ARHGAP28: variants seen among roughly 807,000 people sequenced by gnomAD.
The protein encoded by ARHGAP28 is rho GTPase-activating protein 28.
ARHGAP28 carries 56 observed loss-of-function variants against 90.7 expected under a neutral mutation model. That is an observed-to-expected ratio of 0.62 (90% CI 0.50 to 0.77). The LOEUF (loss-of-function observed/expected upper bound fraction) is 0.77, where lower values mean the gene tolerates loss of function less well. Ranked by LOEUF, ARHGAP28 falls within the 30% of genes least tolerant of loss-of-function variation. The pLI is 0.00. For missense variants in ARHGAP28, 869 were observed against 900.9 expected, an observed-to-expected ratio of 0.96 and a Z score of 0.45; for synonymous variants, 308 against 323.3, an observed-to-expected ratio of 0.95 and a Z score of 0.51.
chr18:6,905,210 C>T (rs2057358835), intron 16 of ARHGAP28, among the ~76,000 whole-genome samples: 1 of 151,810 alleles, frequency 6.6e-6, no homozygotes, highest in African/African-American at 2.4e-5. Context: ...TTAAAAGAAT[C>T]GTACACCATA....
At chr18:6,827,515 G>A (rs1344686276) in intron 2 of ARHGAP28, among the ~76,000 whole-genome samples, 19 of 130,464 alleles carry the variant, frequency 1.5e-4, no homozygotes, top group African/African-American at 4.7e-4. Context: ...CTCACCTCCC[G>A]GACGGGGCGG....
At chr18:6,820,065 G>A (rs1348905029) in intron 1 of ARHGAP28, among the ~76,000 whole-genome samples, 2 of 152,146 alleles carry the variant, frequency 1.3e-5, no homozygotes, top group South Asian at 2.1e-4. Flanking sequence ...TAAGCAACTG[G>A]TCGTTTTTAT....
chr18:6,829,613 A>G (rs1053084588), intron 2 of ARHGAP28, among the ~76,000 whole-genome samples: 1 of 152,202 alleles, frequency 6.6e-6, no homozygotes, highest in African/African-American at 2.4e-5. Flanking sequence ...GATAGATAAC[A>G]TTTCAGTCAA....
chr18:6,791,689 C>G (rs557769730), intron 1 of ARHGAP28: 2 of 152,240 alleles, frequency 1.3e-5, no homozygotes, highest in South Asian at 4.1e-4. Context: ...TTGAACAAAA[C>G]AAAGTATAGT....
intron 1 of ARHGAP28, among the ~76,000 whole-genome samples, chr18:6,781,736 C>T (rs898633970): frequency 8.5e-5 from 13 of 152,180 alleles, no homozygotes; most frequent in Admixed American, 1.3e-4. Flanking sequence ...AACACATGGC[C>T]TCTAATTGCT....
chr18:6,740,123 G>A (rs1464068786), intron 1 of ARHGAP28, among the ~76,000 whole-genome samples: 1 of 152,084 alleles, frequency 6.6e-6, no homozygotes, highest in African/African-American at 2.4e-5. Context: ...CAAAGTGCTG[G>A]GATTACAGGC....
At chr18:6,817,830 T>C (rs1448913361) in intron 1 of ARHGAP28, among the ~76,000 whole-genome samples, 2 of 152,216 alleles carry the variant, frequency 1.3e-5, no homozygotes, top group East Asian at 3.8e-4. Context: ...TTATGTGACT[T>C]TGGCCAGAAT....
intron 7 of ARHGAP28, among the ~76,000 whole-genome samples, chr18:6,873,142 C>A (rs183678235): frequency 4.6e-5 from 7 of 152,248 alleles, no homozygotes; most frequent in African/African-American, 1.7e-4. Flanking sequence ...ATTGGGTGTT[C>A]CTTATAAAGA....
intron 1 of ARHGAP28, among the ~76,000 whole-genome samples, chr18:6,803,664 G>A (rs1326151188): frequency 6.6e-6 from 1 of 151,974 alleles, no homozygotes; most frequent in Non-Finnish European, 1.5e-5. Context: ...TTTTTAAGAA[G>A]AAAAATAATA....
intron 7 of ARHGAP28, among the ~76,000 whole-genome samples, chr18:6,872,105 C>G (rs2057094519): frequency 6.6e-6 from 1 of 152,188 alleles, no homozygotes; most frequent in African/African-American, 2.4e-5. Context: ...CTGCAGGACT[C>G]TGGTTTCAGG....
At chr18:6,910,212 G>T (rs191148873) in intron 17 of ARHGAP28, among the ~76,000 whole-genome samples, 11 of 152,158 alleles carry the variant, frequency 7.2e-5, no homozygotes, top group Non-Finnish European at 1.5e-4. Flanking sequence ...CTTCAAGGAT[G>T]CCCTAAGCTT....
At chr18:6,777,152 A>G (rs572027284) in intron 1 of ARHGAP28, among the ~76,000 whole-genome samples, 1 of 152,326 alleles carries the variant, frequency 6.6e-6, no homozygotes, top group East Asian at 1.9e-4. Context: ...AATAACCTAG[A>G]TATATTATAA....
At chr18:6,831,471 G>GTTTTTTTTTTT (rs57331018) in intron 2 of ARHGAP28, among the ~76,000 whole-genome samples, 81 of 109,298 alleles carry the variant, frequency 7.4e-4, no homozygotes, top group East Asian at 2.4e-3. Flanking sequence ...GTATCTTGAT[G>GTTTTTTTTTTT]TTTTTTTTTT....
At chr18:6,794,372 G>C (rs2056426893) in intron 1 of ARHGAP28, among the ~76,000 whole-genome samples, 1 of 152,194 alleles carries the variant, frequency 6.6e-6, no homozygotes, top group Non-Finnish European at 1.5e-5. Flanking sequence ...TGGGCTCATG[G>C]ATCTTGAGCA....
At chr18:6,850,838 A>G (rs2056904326) in intron 3 of ARHGAP28, 196 bp from the exon 4 acceptor site, 6 of 1,523,274 alleles carry the variant, frequency 3.9e-6, no homozygotes, top group Non-Finnish European at 5.2e-6. Context: ...GTTACAGTAC[A>G]TGGCATTTAT....
chr18:6,854,987 C>T (rs1435698342), intron 4 of ARHGAP28, among the ~76,000 whole-genome samples: 1 of 152,210 alleles, frequency 6.6e-6, no homozygotes, highest in African/African-American at 2.4e-5. Flanking sequence ...CCCCTGCCCC[C>T]TTGGCCCCCC....
chr18:6,870,807 T>G, intron 7 of ARHGAP28, 75 bp downstream of exon 7: 4 of 1,338,998 alleles, frequency 3.0e-6, no homozygotes, highest in Middle Eastern at 2.8e-4. Flanking sequence ...TTCTTTTTCT[T>G]TTTTTTTTTT....
intron 3 of ARHGAP28, chr18:6,850,749 A>G: frequency 6.9e-7 from 1 of 1,445,326 alleles, no homozygotes; most frequent in Non-Finnish European, 9.2e-7. Flanking sequence ...GAGCAAAATC[A>G]TGATATTCAT....
chr18:6,908,937 T>C (rs375520166), intron 16 of ARHGAP28, 23 bp from the exon 17 acceptor site: 2 of 1,391,496 alleles, frequency 1.4e-6, no homozygotes, highest in Non-Finnish European at 2.0e-6. Flanking sequence ...ACTAAAATTA[T>C]ATTATTTTCT....
Sources: gnomAD v4.1 joint callset for allele counts (sites outside exome capture counted in the v4.1 genomes callset) on GRCh38, gnomAD v4.1.1 for gene constraint, MANE v1.5 for transcripts, NCBI Gene and HGNC (gene_info 2026-07-23, HGNC 2026-07-21) for gene names.